The following QRICH1 variants were observed in gnomAD, a reference collection of about 807,000 sequenced individuals.
The protein encoded by QRICH1 is glutamine rich 1.
In QRICH1, 16 loss-of-function variants were observed where a neutral mutation model predicts 87.1. The ratio of observed to expected loss-of-function variants is 0.18; its 90% CI spans 0.12 to 0.28. The LOEUF (loss-of-function observed/expected upper bound fraction) is 0.28, where lower values mean the gene tolerates loss of function less well. Among genes scored for constraint, QRICH1 ranks in the 10% least tolerant of loss-of-function variants. The probability of loss-of-function intolerance (pLI) is 1.00; values close to 1 mark genes in which losing one functional copy is unlikely to be tolerated. For synonymous variants in QRICH1, 367 were observed against 368.4 expected, an observed-to-expected ratio of 1.00 and a Z score of 0.05; for missense variants, 647 against 951.7, an observed-to-expected ratio of 0.68 and a Z score of 4.21.
At chr3:49,065,175 G>A (rs1226759439) in intron 2 of QRICH1, among the ~76,000 whole-genome samples, 1 of 143,540 alleles carries the variant, frequency 7.0e-6, no homozygotes, top group Non-Finnish European at 1.5e-5. Flanking sequence ...TCACTCTGTT[G>A]CCCAGGCTGG....
At chr3:49,079,464 TAA>T (rs2042016211) in intron 1 of QRICH1, among the ~76,000 whole-genome samples, 1 of 147,968 alleles carries the variant, frequency 6.8e-6, no homozygotes, top group African/African-American at 2.4e-5. Context: ...AATATAAATA[TAA>T]TTTTTACATA....
intron 3 of QRICH1, among the ~76,000 whole-genome samples, chr3:49,053,254 C>T (rs933705091): frequency 1.3e-5 from 2 of 151,842 alleles, no homozygotes; most frequent in African/African-American, 4.8e-5. Flanking sequence ...TTTGGGAGGC[C>T]GAGGCAGGTG....
rs1480912301 is a variant in QRICH1 at position 49,030,381 on chromosome 3, G to A, written c.*71C>T. ...AAAAAAAAGAAAAAAAAAAATGGAG[G>A]CCTCTTCTTTAGTGTGAAAGTCTGT... On this transcript the variant is annotated 3_prime_UTR_variant, in exon 10 of 10. Coordinates refer to ENST00000395443, the MANE Select transcript of QRICH1 (RefSeq NM_198880.3). 5.0e-6 allele frequency: 7 copies of A among 1,397,690 alleles called. No homozygotes were observed. Among genetic ancestry groups the A allele is most frequent in the Admixed American group, 2.2e-5 (1 of 44,628 alleles). 86.6% of individuals were successfully genotyped at this position (1,397,690 alleles called of 1,614,324 possible). A position where few individuals can be genotyped will look rare whatever the true frequency, so the allele number is the denominator to read the frequency against.
chr3:49,031,529 T>C (rs1018096489), intron 9 of QRICH1, among the ~76,000 whole-genome samples: 1 of 152,008 alleles, frequency 6.6e-6, no homozygotes, highest in Non-Finnish European at 1.5e-5. Context: ...AGCTTACAGA[T>C]AGGAGGGGAC....
chr3:49,093,098 C>CA (rs1162656119), intron 1 of QRICH1, among the ~76,000 whole-genome samples: 1 of 152,196 alleles, frequency 6.6e-6, no homozygotes, highest in Non-Finnish European at 1.5e-5. Flanking sequence ...GAAAGATAAG[C>CA]AGGTACCACT....
intron 1 of QRICH1, among the ~76,000 whole-genome samples, chr3:49,080,332 A>AT (rs1010078799): frequency 2.0e-5 from 3 of 150,208 alleles, no homozygotes; most frequent in African/African-American, 7.3e-5. Flanking sequence ...ATAAAAAGCA[A>AT]TTTTTTTTTT....
chr3:49,090,198 G>A (rs1244213412), intron 1 of QRICH1, among the ~76,000 whole-genome samples: 2 of 152,118 alleles, frequency 1.3e-5, no homozygotes, highest in Non-Finnish European at 2.9e-5. Context: ...AGTGGCTCAC[G>A]CCTGTAATCC....
chr3:49,070,224 G>C (rs777926219), intron 2 of QRICH1, among the ~76,000 whole-genome samples: 4 of 151,976 alleles, frequency 2.6e-5, no homozygotes, highest in Non-Finnish European at 4.4e-5. Flanking sequence ...TTTTAGCAGA[G>C]ATGAGGTTTC....
At chr3:49,037,650 T>G (rs1244355975) in intron 6 of QRICH1, among the ~76,000 whole-genome samples, 1 of 147,572 alleles carries the variant, frequency 6.8e-6, no homozygotes, top group Non-Finnish European at 1.5e-5. Flanking sequence ...GAGAATCACT[T>G]GAACCCAGGA....
At chr3:49,030,679 A>C (rs1433704629) in intron 9 of QRICH1, 35 bp from the exon 10 acceptor site, 2 of 1,490,810 alleles carry the variant, frequency 1.3e-6, no homozygotes, top group Non-Finnish European at 1.8e-6. Context: ...GGGTACCACC[A>C]ATATAACTTC....
Position 49,082,219 on chromosome 3 carries a change from G to A in QRICH1, c.-21-5181C>T, listed in dbSNP as rs74600908. ...CCCAAAGTGCTAGGATTACAGGCAT[G>A]AGCCACTGCGCCCAGCAAGGTGTCC... On this transcript the variant is annotated intron_variant, in intron 1 of 9. Transcript: ENST00000395443. Among the ~76,000 whole-genome samples the A allele has an allele frequency of 5.7e-4, 87 of 152,336 alleles. No homozygotes were observed. In the East Asian group the frequency reaches 0.015, roughly 26 times the overall value.
At chr3:49,082,262 T>C (rs2042077075) in intron 1 of QRICH1, among the ~76,000 whole-genome samples, 1 of 152,196 alleles carries the variant, frequency 6.6e-6, no homozygotes, top group South Asian at 2.1e-4. Context: ...TTGACAAACA[T>C]TTAGCTAAGT....
At chr3:49,084,515 A>G (rs2107023800) in intron 1 of QRICH1, among the ~76,000 whole-genome samples, 1 of 152,224 alleles carries the variant, frequency 6.6e-6, no homozygotes, top group South Asian at 2.1e-4. Flanking sequence ...CGGTCTCCCA[A>G]AGTGCTAGGA....
At chr3:49,089,514 T>A (rs1276036825) in intron 1 of QRICH1, among the ~76,000 whole-genome samples, 2 of 152,062 alleles carry the variant, frequency 1.3e-5, no homozygotes, top group East Asian at 3.8e-4. Flanking sequence ...ATGAAGGAAC[T>A]TTTTTTTAAA....
At chr3:49,068,896 G>A (rs1230261129) in intron 2 of QRICH1, among the ~76,000 whole-genome samples, 1 of 151,774 alleles carries the variant, frequency 6.6e-6, no homozygotes, top group Non-Finnish European at 1.5e-5. Context: ...CTCCCAAAAT[G>A]CTGGGATTAC....
rs1051201057 is a variant in QRICH1, at chr3:49,084,348, T to C, written c.-21-7310A>G. Among the ~76,000 whole-genome samples the C allele has an allele frequency of 4.7e-5, 7 of 149,488 alleles. No homozygotes were observed. The South Asian group carries it at 6.5e-4, about 14-fold the overall frequency. On this transcript the variant is annotated intron_variant, in intron 1 of 9. Transcript: ENST00000395443. ...CTGGCTCACTGAAACCTCCGCCTCCTAGGTTCAAGCAATTCTCCTGCCTCA... is the reference window on the plus strand; with the variant it reads ...CTGGCTCACTGAAACCTCCGCCTCCCAGGTTCAAGCAATTCTCCTGCCTCA...
At chr3:49,092,698 C>G (rs2042299708) in intron 1 of QRICH1, among the ~76,000 whole-genome samples, 1 of 152,012 alleles carries the variant, frequency 6.6e-6, no homozygotes, top group Admixed American at 6.6e-5. Flanking sequence ...CTAGAACAAA[C>G]CTAGAACTTC....
intron 1 of QRICH1, among the ~76,000 whole-genome samples, chr3:49,087,316 T>C: frequency 6.6e-6 from 1 of 150,950 alleles, no homozygotes; most frequent in Non-Finnish European, 1.5e-5. Context: ...CCCAGCAGTT[T>C]GGGAGGCTGA....
chr3:49,077,111 C>T (rs7626445), intron 1 of QRICH1, 73 bp from the exon 2 acceptor site: 692,272 of 1,028,444 alleles, frequency 0.67, 236,657 homozygotes, highest in East Asian at 0.96. Flanking sequence ...TACCCTTGCA[C>T]AAGAGTGGAA....
Sources: allele counts gnomAD v4.1 joint callset (sites outside exome capture counted in the v4.1 genomes callset), GRCh38; gene constraint gnomAD v4.1.1; transcripts MANE v1.5; gene names NCBI Gene and HGNC (gene_info 2026-07-23, HGNC 2026-07-21).